The following DYNC2H1 variants were observed in gnomAD, a reference collection of about 807,000 sequenced individuals.
DYNC2H1 encodes cytoplasmic dynein 2 heavy chain 1.
Under a neutral mutation model 570.0 loss-of-function variants are expected in DYNC2H1, and 410 were observed. The ratio of observed to expected loss-of-function variants is 0.72; its 90% CI spans 0.66 to 0.78. DYNC2H1 has a LOEUF of 0.78. DYNC2H1 is among the 30% of genes least tolerant of loss of function. DYNC2H1 has a pLI of 0.00. For missense variants in DYNC2H1, 4,865 were observed against 5,046.4 expected (o/e 0.96, Z 1.09); for synonymous variants, 1,688 against 1,677.6 (o/e 1.01, Z -0.15).
rs557793571 is a variant in DYNC2H1 at position 103,261,525 on chromosome 11, G to T, written c.10695+1548G>T. Among the ~76,000 whole-genome samples, 29 of 152,300 alleles carry T rather than the reference G, an allele frequency of 1.9e-4. No homozygotes were observed. The highest frequency in any genetic ancestry group is 6.7e-4 in the African/African-American group (28 of 41,550). On this transcript the variant is annotated intron_variant, in intron 70 of 88. Transcript: ENST00000375735. This position sits in a 1 kb window ranked among gnomAD's most constrained non-coding sequence, Gnocchi z 4.8. ...AACAGGCAGCAATCTTTGCTGTTCT[G>T]CAGACTCTGCTGGTGATACCCAGGC...
At position 103,223,196 on chromosome 11, in the gene DYNC2H1, C is replaced by G. The variant is rs1055041309; in HGVS notation, c.9353+110C>G. 4 of 1,092,212 alleles carry G rather than the reference C, an allele frequency of 3.7e-6. No individual in the cohort carries two copies. In the East Asian group the frequency reaches 9.3e-5, roughly 25 times the overall value. 67.7% of individuals were successfully genotyped at this position (1,092,212 alleles called of 1,614,324 possible). ...TCTCTATTTGTAAAATGGCAGTTGA[C>G]AATACTAAAATATATGAATGAGTCA... On this transcript the variant is annotated intron_variant, in intron 59 of 88. Transcript: ENST00000375735.
At chr11:103,154,886 ATTTT>A in intron 24 of DYNC2H1, 77 bp downstream of exon 24, 1 of 1,020,830 alleles carries the variant, frequency 9.8e-7, no homozygotes, top group Non-Finnish European at 1.4e-6. Flanking sequence ...GAACTATATA[ATTTT>A]ACTTTATATG....
At chr11:103,168,315 G>A (rs1306675624) in intron 31 of DYNC2H1, among the ~76,000 whole-genome samples, 1 of 152,170 alleles carries the variant, frequency 6.6e-6, no homozygotes, top group Non-Finnish European at 1.5e-5. Flanking sequence ...TATGGCCCTA[G>A]CGTTGCCAGA....
At position 103,358,244 on chromosome 11, in the gene DYNC2H1, T is replaced by C; in HGVS notation, c.12041T>C (p.Val4014Ala). The C allele has an allele frequency of 1.3e-6, 2 of 1,543,690 alleles. No homozygotes were observed. Among genetic ancestry groups the C allele is most frequent in the Non-Finnish European group, 1.8e-6 (2 of 1,136,152 alleles). Residue 4014 changes from valine (V) to alanine (A), a missense_variant and splice_region_variant, in exon 83 of 89, where the codon GTT (valine) becomes GCT (alanine). Transcript: ENST00000375735. ...GATACTTATTATTTTTTTATTCAGG[T>C]TATTTCACAGTTGAGGATTTTGGGC... ...RSSQRMISSQ[V>A]ISQLRILGRS...
chr11:103,322,897 G>A (rs1938286963), intron 81 of DYNC2H1, among the ~76,000 whole-genome samples: 1 of 152,178 alleles, frequency 6.6e-6, no homozygotes, highest in South Asian at 2.1e-4. Flanking sequence ...CGTATATATT[G>A]TGATTGAATA....
intron 84 of DYNC2H1, among the ~76,000 whole-genome samples, chr11:103,413,064 G>GT (rs1943147273): frequency 6.6e-6 from 1 of 152,102 alleles, no homozygotes; most frequent in Non-Finnish European, 1.5e-5. Flanking sequence ...CTTGCAATTT[G>GT]TTTTATCAAG....
At chr11:103,475,319 GTGTT>G (rs1021703656) in intron 88 of DYNC2H1, among the ~76,000 whole-genome samples, 6 of 152,060 alleles carry the variant, frequency 3.9e-5, no homozygotes, top group African/African-American at 1.4e-4. Context: ...TGAACACAGG[GTGTT>G]TGTTCATAGT....
chr11:103,328,918 G>A (rs1464571847), intron 82 of DYNC2H1, among the ~76,000 whole-genome samples: 2 of 152,170 alleles, frequency 1.3e-5, no homozygotes, highest in Non-Finnish European at 2.9e-5. Context: ...TGATGGTGAG[G>A]AGGGGGAGAG....
At chr11:103,368,670 C>T (rs553387778) in intron 83 of DYNC2H1, among the ~76,000 whole-genome samples, 2 of 152,122 alleles carry the variant, frequency 1.3e-5, no homozygotes, top group Non-Finnish European at 2.9e-5. Context: ...CTTGCCCAGC[C>T]CAGGTACTGA....
chr11:103,199,410 G>T lies in DYNC2H1; in HGVS notation c.8022G>T (p.Ala2674=), dbSNP rs188965885. 3.1e-6 allele frequency: 5 copies of T among 1,612,328 alleles called. No homozygotes were observed. The African/African-American group carries it at 4.0e-5, about 13-fold the overall frequency. Residue 2674 remains alanine, a synonymous_variant, in exon 49 of 89, where the codon GCG becomes GCT. Coordinates refer to ENST00000375735, the MANE Select transcript of DYNC2H1 (RefSeq NM_001377.3). The surrounding 1 kb of genome is among the most constrained non-coding windows in gnomAD (Gnocchi z 4.6). ...CTTTAGTCAGTCACATGCATGGAGC[G>T]GTCCTGTTTTCTCCAAAGATTTCCA... ...ITSLVSHMHG[A]VLFSPKISRG... is the part of the protein sequence containing the mutation.
At chr11:103,313,897 A>G (rs1203135142) in intron 79 of DYNC2H1, among the ~76,000 whole-genome samples, 1 of 152,164 alleles carries the variant, frequency 6.6e-6, no homozygotes, top group African/African-American at 2.4e-5. Flanking sequence ...AAAGAATCAC[A>G]CCTAAAAAGT....
At position 103,200,135 on chromosome 11, in the gene DYNC2H1, C is replaced by A; in HGVS notation, c.8178C>A (p.Ile2726=). ...QFVHPTFLEM[I]NSLLSSGEVP... is the part of the protein sequence containing the mutation. ...TACATCCTACATTTTTGGAGATGAT[C>A]AATAGCCTTTTGTCTTCAGGCAAGT... The change falls in exon 50 of 89, where the codon ATC becomes ATA. Residue 2726 remains isoleucine (I), a synonymous_variant. Transcript: ENST00000375735. The A allele has an allele frequency of 6.4e-7, 1 of 1,574,296 alleles. No homozygotes were observed. Among genetic ancestry groups the A allele is most frequent in the Non-Finnish European group, 8.6e-7 (1 of 1,158,696 alleles).
At chr11:103,125,365 G>C in intron 12 of DYNC2H1, 70 bp downstream of exon 12, 1 of 957,808 alleles carries the variant, frequency 1.0e-6, no homozygotes, top group Non-Finnish European at 1.4e-6. Flanking sequence ...TATGCTAAAG[G>C]CTTTTTTTTT....
chr11:103,282,265 AG>A (rs1866172691), intron 72 of DYNC2H1, 36 bp downstream of exon 72: 1 of 1,594,244 alleles, frequency 6.3e-7, no homozygotes, highest in African/African-American at 1.4e-5. Flanking sequence ...TTGCTCTTAA[AG>A]AAAATATTTC....
intron 70 of DYNC2H1, among the ~76,000 whole-genome samples, chr11:103,266,063 G>A (rs1221441142): frequency 2.1e-5 from 3 of 145,078 alleles, no homozygotes; most frequent in African/African-American, 7.6e-5. Context: ...CCACATGTAG[G>A]GCAGTCAGGG....
chr11:103,456,270 T>A lies in DYNC2H1; in HGVS notation c.12567-5T>A, dbSNP rs1944783600. On this transcript the variant is annotated splice_region_variant and splice_polypyrimidine_tract_variant and intron_variant, in intron 86 of 88. Coordinates refer to ENST00000375735, the MANE Select transcript of DYNC2H1 (RefSeq NM_001377.3). ...ATTTGTGACTTTGATGCTTTACCTT[T>A]ACAGGGCAGTGGGTCGTTCTGTGGA... 6 of 1,604,854 alleles carry A rather than the reference T, an allele frequency of 3.7e-6. No homozygotes were observed. The East Asian group carries it at 1.3e-4, about 36-fold the overall frequency.
intron 82 of DYNC2H1, among the ~76,000 whole-genome samples, chr11:103,341,522 G>T (rs1359680481): frequency 6.6e-6 from 1 of 152,112 alleles, no homozygotes; most frequent in East Asian, 1.9e-4. Context: ...TCTATCCCAG[G>T]TCTGTAAAAT....
intron 85 of DYNC2H1, 175 bp from the exon 86 acceptor site, chr11:103,455,011 G>C: frequency 1.9e-6 from 1 of 514,814 alleles, no homozygotes; most frequent in South Asian, 3.5e-5. Flanking sequence ...TGGATATTAT[G>C]CCAAATTGCA....
intron 82 of DYNC2H1, among the ~76,000 whole-genome samples, chr11:103,339,306 C>T (rs568003759): frequency 5.3e-5 from 8 of 152,180 alleles, no homozygotes; most frequent in African/African-American, 9.6e-5. Flanking sequence ...CAGCTTCCAC[C>T]GGGGGTCACC....
Sources: gnomAD v4.1 joint callset for allele counts (sites outside exome capture counted in the v4.1 genomes callset) on GRCh38, gnomAD v4.1.1 for gene constraint, Gnocchi (gnomAD v3.1) non-coding constraint, MANE v1.5 for transcripts, NCBI Gene and HGNC (gene_info 2026-07-23, HGNC 2026-07-21) for gene names.